FCHO2: variants seen among roughly 807,000 people sequenced by gnomAD.
FCHO2 encodes F-BAR domain only protein 2.
FCHO2 carries 43 observed loss-of-function variants against 114.1 expected under a neutral mutation model. That is an observed-to-expected ratio of 0.38 (90% CI 0.30 to 0.49). The LOEUF is 0.49. Among genes scored for constraint, FCHO2 ranks in the 20% least tolerant of loss-of-function variants. The pLI, the probability that FCHO2 is intolerant of heterozygous loss-of-function variation, is 0.97. For missense variants in FCHO2, 807 were observed against 950.4 expected, an observed-to-expected ratio of 0.85 and a Z score of 1.98; for synonymous variants, 293 against 315.2, an observed-to-expected ratio of 0.93 and a Z score of 0.75.
chr5:73,047,749 A>G (rs1056535825), intron 11 of FCHO2, among the ~76,000 whole-genome samples: 2 of 152,198 alleles, frequency 1.3e-5, no homozygotes, highest in Admixed American at 1.3e-4. Flanking sequence ...TAGACTACTT[A>G]TAATACCTAA....
At chr5:73,070,521 T>G (rs1264036749) in intron 19 of FCHO2, among the ~76,000 whole-genome samples, 2 of 151,780 alleles carry the variant, frequency 1.3e-5, no homozygotes, top group Admixed American at 6.6e-5. Flanking sequence ...TGGGACCTAC[T>G]AGAAAGCAGG....
At chr5:73,060,830 T>G (rs1292592851) in intron 17 of FCHO2, among the ~76,000 whole-genome samples, 1 of 152,080 alleles carries the variant, frequency 6.6e-6, no homozygotes, top group African/African-American at 2.4e-5. Context: ...CAGTTGCATC[T>G]TATACCATGT....
rs141191062 is a variant in FCHO2, at chr5:73,084,874, G to A, written c.2245+2049G>A. On this transcript the variant is annotated intron_variant, in intron 24 of 25. Transcript: ENST00000430046. The stretch of plus-strand genomic sequence containing the variant: ...GCCAACTGCATTGACTTTAACCCTA[G>A]CTATTAATATATAGCTTTTTGTGAG... 3.5e-3 allele frequency among the ~76,000 whole-genome samples: 540 copies of A among 152,258 alleles called. 5 individuals carry two copies. The highest frequency in any genetic ancestry group is 0.013 in the African/African-American group (525 of 41,536).
intron 8 of FCHO2, among the ~76,000 whole-genome samples, chr5:73,030,045 GTT>G (rs113431803): frequency 4.4e-5 from 6 of 135,236 alleles, no homozygotes; most frequent in East Asian, 2.1e-4. Flanking sequence ...CTTTCTTTTT[GTT>G]TTTTTTTTTT....
intron 2 of FCHO2, among the ~76,000 whole-genome samples, chr5:72,988,331 G>A (rs954620385): frequency 6.6e-6 from 1 of 151,992 alleles, no homozygotes; most frequent in Non-Finnish European, 1.5e-5. Context: ...CCAGCTACTC[G>A]GGAGGCTGAG....
chr5:73,061,383 A>C (rs963412620), intron 17 of FCHO2, among the ~76,000 whole-genome samples: 2 of 152,102 alleles, frequency 1.3e-5, no homozygotes, highest in Non-Finnish European at 2.9e-5. Flanking sequence ...TCTAGTTTCA[A>C]ATAATTAAAA....
chr5:73,040,835 A>G (rs1756767534), intron 10 of FCHO2, among the ~76,000 whole-genome samples: 1 of 152,128 alleles, frequency 6.6e-6, no homozygotes, highest in Admixed American at 6.5e-5. Flanking sequence ...GGGTTTTCAG[A>G]CTACTTGCTA....
chr5:72,964,310 A>G lies in FCHO2; in HGVS notation c.34-4188A>G, dbSNP rs181912222. Reference sequence around the variant, plus strand: ...AAGGTAGTAAGATTTCTTTCCTTCAATCAACCAACAAATATGTTTGAGTCA... The same window carrying G: ...AAGGTAGTAAGATTTCTTTCCTTCAGTCAACCAACAAATATGTTTGAGTCA... On this transcript the variant is annotated intron_variant, in intron 1 of 25. Coordinates refer to ENST00000430046, the MANE Select transcript of FCHO2 (RefSeq NM_138782.3). Among the ~76,000 whole-genome samples the G allele has an allele frequency of 2.0e-4, 30 of 152,266 alleles. 1 individual carries two copies. Among genetic ancestry groups the G allele is most frequent in the African/African-American group, 5.5e-4 (23 of 41,558 alleles).
chr5:73,080,706 T>C (rs527779822), intron 22 of FCHO2, among the ~76,000 whole-genome samples: 1 of 152,318 alleles, frequency 6.6e-6, no homozygotes, highest in African/African-American at 2.4e-5. Flanking sequence ...AAAAAAGTGC[T>C]GCCACTTAAA....
chr5:73,023,315 CT>C (rs1755729896), intron 8 of FCHO2, among the ~76,000 whole-genome samples: 2 of 152,116 alleles, frequency 1.3e-5, no homozygotes, highest in South Asian at 4.1e-4. Context: ...CAGGAATTTA[CT>C]TTATAATTAG....
At chr5:72,980,089 A>G (rs1753119248) in intron 2 of FCHO2, among the ~76,000 whole-genome samples, 1 of 152,198 alleles carries the variant, frequency 6.6e-6, no homozygotes, top group Non-Finnish European at 1.5e-5. Flanking sequence ...ATTTAGTGCT[A>G]TAAATTTCCC....
At chr5:72,970,839 A>G (rs180894196) in intron 2 of FCHO2, among the ~76,000 whole-genome samples, 4 of 152,090 alleles carry the variant, frequency 2.6e-5, no homozygotes, top group Non-Finnish European at 5.9e-5. Context: ...TCCCAATGCT[A>G]TCCCTCTCCC....
chr5:73,063,562 G>C (rs1252784980), intron 17 of FCHO2, among the ~76,000 whole-genome samples: 3 of 151,984 alleles, frequency 2.0e-5, no homozygotes, highest in East Asian at 1.9e-4. Context: ...TAATGTATCA[G>C]ATTTAATTTT....
At chr5:72,973,434 A>G (rs1190433323) in intron 2 of FCHO2, among the ~76,000 whole-genome samples, 2 of 151,784 alleles carry the variant, frequency 1.3e-5, no homozygotes, top group Admixed American at 6.6e-5. Flanking sequence ...GTCTTGGGAG[A>G]GTGTATGTGT....
intron 18 of FCHO2, among the ~76,000 whole-genome samples, chr5:73,068,313 G>A (rs1173828079): frequency 6.6e-6 from 1 of 152,008 alleles, no homozygotes; most frequent in African/African-American, 2.4e-5. Context: ...TTATAGTCAG[G>A]TAAAGTGAAT....
intron 18 of FCHO2, among the ~76,000 whole-genome samples, 169 bp from the exon 19 acceptor site, chr5:73,068,481 T>C (rs1279812171): frequency 6.6e-6 from 1 of 152,128 alleles, no homozygotes; most frequent in East Asian, 1.9e-4. Flanking sequence ...TTTCAGGCTT[T>C]AGTATGTTCT....
intron 8 of FCHO2, among the ~76,000 whole-genome samples, chr5:73,025,165 G>T (rs1755847004): frequency 6.6e-6 from 1 of 151,994 alleles, no homozygotes; most frequent in South Asian, 2.1e-4. Context: ...TGGTTGAGTT[G>T]CTATGGGTGA....
intron 18 of FCHO2, among the ~76,000 whole-genome samples, chr5:73,067,022 A>T (rs1471178398): frequency 6.6e-6 from 1 of 152,052 alleles, no homozygotes; most frequent in Non-Finnish European, 1.5e-5. Context: ...TATTATTTTA[A>T]CACATTCAAT....
At chr5:73,078,132 C>A in intron 21 of FCHO2, 48 bp from the exon 22 acceptor site, 1 of 1,389,580 alleles carries the variant, frequency 7.2e-7, no homozygotes, top group East Asian at 2.7e-5. Flanking sequence ...AGAGGCAAAA[C>A]ATAAAGATAA....
Sources: allele counts gnomAD v4.1 joint callset (sites outside exome capture counted in the v4.1 genomes callset), GRCh38; gene constraint gnomAD v4.1.1; transcripts MANE v1.5; gene names NCBI Gene and HGNC (gene_info 2026-07-23, HGNC 2026-07-21).